The following EIPR1 variants were observed in gnomAD, a reference collection of about 807,000 sequenced individuals.
EIPR1 encodes the protein EARP complex and GARP complex interacting protein 1.
In EIPR1, 25 loss-of-function variants were observed where a neutral mutation model predicts 48.1. That is an observed-to-expected ratio of 0.52 (90% confidence interval 0.38 to 0.73). The LOEUF is 0.73. Ranked by LOEUF, EIPR1 falls within the 30% of genes least tolerant of loss-of-function variation. The pLI is 0.00. For synonymous variants in EIPR1, 204 were observed against 201.9 expected, an observed-to-expected ratio of 1.01 and a Z score of -0.09; for missense variants, 415 against 506.2, an observed-to-expected ratio of 0.82 and a Z score of 1.73.
At chr2:3,214,384 T>A in intron 4 of EIPR1, 136 bp from the exon 5 acceptor site, 2 of 719,468 alleles carry the variant, frequency 2.8e-6, no homozygotes, top group Non-Finnish European at 4.6e-6. Context: ...TTTTTTACAC[T>A]GTCACCCGGC....
At chr2:3,301,302 C>A (rs1473694088) in intron 3 of EIPR1, 1 of 152,230 alleles carries the variant, frequency 6.6e-6, no homozygotes, top group Non-Finnish European at 1.5e-5. Context: ...CCCTTCACAA[C>A]AACAAGCATG....
intron 3 of EIPR1, among the ~76,000 whole-genome samples, chr2:3,271,407 G>GACAGCCTT (rs1667698512): frequency 6.6e-6 from 1 of 152,178 alleles, no homozygotes; most frequent in African/African-American, 2.4e-5. Context: ...CAGTGGCAAC[G>GACAGCCTT]ACAGCCTTAA....
At chr2:3,289,696 G>C (rs1572401288) in intron 3 of EIPR1, among the ~76,000 whole-genome samples, 1 of 152,168 alleles carries the variant, frequency 6.6e-6, no homozygotes, top group South Asian at 2.1e-4. Flanking sequence ...TCATCTCCCC[G>C]ACGCAGGCTC....
intron 2 of EIPR1, among the ~76,000 whole-genome samples, chr2:3,338,775 A>G (rs896567828): frequency 1.3e-5 from 2 of 152,228 alleles, no homozygotes; most frequent in Non-Finnish European, 2.9e-5. Context: ...TAGCCACTCT[A>G]TAAGAAAGTT....
intron 1 of EIPR1, among the ~76,000 whole-genome samples, chr2:3,368,258 A>ACGCATAT (rs1671025017): frequency 6.6e-6 from 1 of 152,106 alleles, no homozygotes; most frequent in African/African-American, 2.4e-5. Context: ...GAAAGGAGGC[A>ACGCATAT]CGCATATCCT....
At chr2:3,350,368 C>G (rs527300911) in intron 2 of EIPR1, among the ~76,000 whole-genome samples, 1 of 152,058 alleles carries the variant, frequency 6.6e-6, no homozygotes, top group Non-Finnish European at 1.5e-5. Flanking sequence ...CTCACTGTCA[C>G]GAGAACATCA....
chr2:3,356,957 A>G (rs1432127584), intron 1 of EIPR1, among the ~76,000 whole-genome samples: 4 of 152,238 alleles, frequency 2.6e-5, no homozygotes, highest in Non-Finnish European at 5.9e-5. Context: ...AATTGAAAGT[A>G]CCTCTGATTG....
chr2:3,256,686 G>A (rs1004340286), intron 4 of EIPR1, among the ~76,000 whole-genome samples: 1 of 152,154 alleles, frequency 6.6e-6, no homozygotes, highest in African/African-American at 2.4e-5. Context: ...TAGAAAATAC[G>A]GCTTCTTAAT....
intron 3 of EIPR1, among the ~76,000 whole-genome samples, chr2:3,330,778 C>T (rs1272225297): frequency 5.4e-5 from 8 of 147,444 alleles, no homozygotes; most frequent in African/African-American, 7.5e-5. Flanking sequence ...CAGAGGCAAG[C>T]GCATGTACAC....
intron 4 of EIPR1, among the ~76,000 whole-genome samples, chr2:3,237,897 G>A (rs1666466741): frequency 6.6e-6 from 1 of 152,244 alleles, no homozygotes; most frequent in Non-Finnish European, 1.5e-5. Flanking sequence ...CAGACGCGAA[G>A]AGATCTGTGC....
intron 2 of EIPR1, among the ~76,000 whole-genome samples, chr2:3,340,398 TC>T (rs1558309126): frequency 6.6e-6 from 1 of 152,248 alleles, no homozygotes; most frequent in Non-Finnish European, 1.5e-5. Context: ...CCCTCTCCAT[TC>T]GGGGAACTGA....
chr2:3,338,552 C>T (rs1053188301), intron 2 of EIPR1, among the ~76,000 whole-genome samples: 6 of 152,154 alleles, frequency 3.9e-5, no homozygotes, highest in Non-Finnish European at 8.8e-5. Context: ...AGGGCAGGCG[C>T]AGCAGGGCAC....
At chr2:3,334,177 A>C (rs1229732183) in intron 3 of EIPR1, among the ~76,000 whole-genome samples, 1 of 152,262 alleles carries the variant, frequency 6.6e-6, no homozygotes, top group African/African-American at 2.4e-5. Context: ...GCCTCCCACC[A>C]GCCCAGGCAC....
chr2:3,283,548 A>G (rs34936767), intron 3 of EIPR1, among the ~76,000 whole-genome samples: 15,169 of 152,308 alleles, frequency 0.1, 763 homozygotes, highest in South Asian at 0.14. Context: ...ACCCCGGCAC[A>G]CTGGCCAAAA....
chr2:3,327,456 T>A (rs561940494), intron 3 of EIPR1, among the ~76,000 whole-genome samples: 1 of 152,356 alleles, frequency 6.6e-6, no homozygotes, highest in Non-Finnish European at 1.5e-5. Flanking sequence ...AGTGCTGGGA[T>A]AACAGGTGTG....
At chr2:3,248,804 G>A (rs1006631450) in intron 4 of EIPR1, among the ~76,000 whole-genome samples, 1 of 152,052 alleles carries the variant, frequency 6.6e-6, no homozygotes, top group Admixed American at 6.6e-5. Flanking sequence ...AAAATAAAGA[G>A]TCTGGGACTT....
At position 3,312,641 on chromosome 2, in the gene EIPR1, C is replaced by T. The variant is rs551708889; in HGVS notation, c.259+25376G>A. On this transcript the variant is annotated intron_variant, in intron 3 of 8. Transcript: ENST00000382125. This position sits in a 1 kb window ranked among gnomAD's most constrained non-coding sequence, Gnocchi z 5.5. ...AAAGCTTTGCAGGGAGAAGGACCCACGATGCCACTGCCTCTGTGCTCAGGG... is the reference window on the plus strand; with the variant it reads ...AAAGCTTTGCAGGGAGAAGGACCCATGATGCCACTGCCTCTGTGCTCAGGG... Among the ~76,000 whole-genome samples the T allele has an allele frequency of 5.9e-5, 9 of 152,168 alleles. No individual in the cohort carries two copies. Among genetic ancestry groups the T allele is most frequent in the African/African-American group, 1.2e-4 (5 of 41,444 alleles).
At position 3,257,316 on chromosome 2, in the gene EIPR1, G is replaced by A; in HGVS notation, c.399C>T (p.Ala133=). 1 of 1,613,866 alleles carries A rather than the reference G, an allele frequency of 6.2e-7. No homozygotes were observed. The highest frequency in any genetic ancestry group is 8.5e-7 in the Non-Finnish European group (1 of 1,179,848). Residue 133 remains alanine (A), a synonymous_variant, in exon 4 of 9, where the codon GCC becomes GCT. Coordinates refer to ENST00000382125, the MANE Select transcript of EIPR1 (RefSeq NM_003310.5). ...LELLCHLDNT[A]HGNMACVVWE... ...AATCCTACCAGGCCATGTTGCCATG[G>A]GCTGTGTTGTCAAGGTGACAGAGCA...
intron 4 of EIPR1, among the ~76,000 whole-genome samples, chr2:3,244,352 G>C (rs896187825): frequency 6.6e-6 from 1 of 152,062 alleles, no homozygotes; most frequent in Non-Finnish European, 1.5e-5. Context: ...CTTACATGCA[G>C]GGTTAGTATA....
Sources: allele counts gnomAD v4.1 joint callset (sites outside exome capture counted in the v4.1 genomes callset), GRCh38; gene constraint gnomAD v4.1.1; non-coding constraint Gnocchi (gnomAD v3.1); transcripts MANE v1.5; gene names NCBI Gene and HGNC (gene_info 2026-07-23, HGNC 2026-07-21).